TPD52: variants seen among roughly 807,000 people sequenced by gnomAD.
TPD52 encodes tumor protein D52.
TPD52 carries 17 observed loss-of-function variants against 31.3 expected under a neutral mutation model. The observed-to-expected ratio is 0.54, with a 90% CI of 0.37 to 0.82. TPD52 has a LOEUF of 0.82. Ranked by LOEUF, TPD52 falls within the 40% of genes least tolerant of loss-of-function variation. The pLI, the probability that TPD52 is intolerant of heterozygous loss-of-function variation, is 0.00. For missense variants in TPD52, 212 were observed against 240.1 expected (o/e 0.88, Z 0.77); for synonymous variants, 83 against 89.6 (o/e 0.93, Z 0.42).
At chr8:80,046,699 T>C (rs1452850344) in intron 5 of TPD52, among the ~76,000 whole-genome samples, 3 of 151,620 alleles carry the variant, frequency 2.0e-5, no homozygotes, top group Non-Finnish European at 4.4e-5. Context: ...CATTAATCTG[T>C]AATCAAACTA....
intron 1 of TPD52, among the ~76,000 whole-genome samples, chr8:80,132,090 T>C (rs908111739): frequency 6.6e-6 from 1 of 151,646 alleles, no homozygotes; most frequent in Non-Finnish European, 1.5e-5. Context: ...AGTGCTGTGG[T>C]GTGATCTTGG....
At chr8:80,167,981 T>C (rs758015931) in intron 1 of TPD52, among the ~76,000 whole-genome samples, 5 of 152,236 alleles carry the variant, frequency 3.3e-5, no homozygotes, top group Non-Finnish European at 7.3e-5. Context: ...TTCTACACAA[T>C]GTATGCTCTA....
chr8:80,141,354 C>G (rs993112718), intron 1 of TPD52, among the ~76,000 whole-genome samples: 3 of 152,160 alleles, frequency 2.0e-5, no homozygotes, highest in Admixed American at 1.3e-4. Context: ...GTGTGACCAA[C>G]AGAATAATAC....
At chr8:80,102,368 G>C (rs894825885) in intron 1 of TPD52, among the ~76,000 whole-genome samples, 2 of 152,192 alleles carry the variant, frequency 1.3e-5, no homozygotes, top group African/African-American at 4.8e-5. Flanking sequence ...TGGTTTTCCA[G>C]AGAAAGTGGT....
intron 1 of TPD52, among the ~76,000 whole-genome samples, chr8:80,073,891 A>C (rs1486674067): frequency 6.6e-6 from 1 of 152,220 alleles, no homozygotes; most frequent in Non-Finnish European, 1.5e-5. Context: ...TTCATATTAC[A>C]GGAAAACAGT....
chr8:80,054,757 A>AG lies in TPD52; in HGVS notation c.136-1328dup, dbSNP rs10700780. 3.4e-5 allele frequency among the ~76,000 whole-genome samples: 5 copies of AG among 146,856 alleles called. No homozygotes were observed. The East Asian group carries it at 6.0e-4, about 18-fold the overall frequency. On this transcript the variant is annotated intron_variant, in intron 2 of 7. Coordinates refer to ENST00000518937, the MANE Select transcript of TPD52 (RefSeq NM_001025253.3). ...TGCAGCTGCCAAGAAAAAAAAAAAA[A>AG]GAAGAAAAAGAACCTACAACACCAC... is the stretch of plus-strand genomic sequence containing the variant.
chr8:80,109,608 T>C (rs1807369845), intron 1 of TPD52, among the ~76,000 whole-genome samples: 1 of 152,150 alleles, frequency 6.6e-6, no homozygotes, highest in Non-Finnish European at 1.5e-5. Context: ...GGTTTCACCA[T>C]GTTGGCCAGG....
Position 80,171,466 on chromosome 8 carries a change from T to C in TPD52, c.-23A>G, listed in dbSNP as rs1812097457. ...CATGTCTCCAGCCCGCCGCCTCGTG[T>C]CCTCTGCAGCACCCCCGCCTGCAGC... is the stretch of plus-strand genomic sequence containing the variant. On this transcript the variant is annotated 5_prime_UTR_variant, in exon 1 of 8. Coordinates refer to ENST00000518937, the MANE Select transcript of TPD52 (RefSeq NM_001025253.3). 1.3e-6 allele frequency: 2 copies of C among 1,577,804 alleles called. No individual in the cohort carries two copies. Among genetic ancestry groups the C allele is most frequent in the Non-Finnish European group, 8.5e-7 (1 of 1,172,656 alleles).
At chr8:80,119,937 C>A (rs991252926) in intron 1 of TPD52, 14 of 332,246 alleles carry the variant, frequency 4.2e-5, no homozygotes, top group South Asian at 3.4e-4. Context: ...AGAAAAACTA[C>A]AGGACATTAA....
At chr8:80,082,059 C>T (rs111487401) in intron 1 of TPD52, among the ~76,000 whole-genome samples, 8,234 of 152,004 alleles carry the variant, frequency 0.054, 372 homozygotes, top group African/African-American at 0.12. Flanking sequence ...CCGCCTGCCT[C>T]GGCCTCCCAA....
chr8:80,101,956 G>A (rs1806774877), intron 1 of TPD52, among the ~76,000 whole-genome samples: 1 of 152,284 alleles, frequency 6.6e-6, no homozygotes, highest in African/African-American at 2.4e-5. Flanking sequence ...AGAAACAGAG[G>A]AGGAAGGCAG....
intron 1 of TPD52, among the ~76,000 whole-genome samples, chr8:80,106,856 CCTT>C (rs1364026224): frequency 8.5e-6 from 1 of 117,880 alleles, no homozygotes; most frequent in African/African-American, 3.0e-5. Flanking sequence ...ACATAAATAA[CCTT>C]TTTTTTTTTT....
chr8:80,126,479 ATTTTTTT>A (rs752947491), intron 1 of TPD52, among the ~76,000 whole-genome samples: 3 of 126,456 alleles, frequency 2.4e-5, no homozygotes, highest in South Asian at 5.0e-4. Context: ...AAAGTTTATA[ATTTTTTT>A]TTTTTTTTTT....
intron 1 of TPD52, among the ~76,000 whole-genome samples, chr8:80,167,820 T>A (rs1240961569): frequency 6.6e-6 from 1 of 152,220 alleles, no homozygotes; most frequent in Non-Finnish European, 1.5e-5. Flanking sequence ...TAAAGTTGTT[T>A]TGCTTTGTTT....
intron 1 of TPD52, among the ~76,000 whole-genome samples, chr8:80,142,153 A>C (rs1401964477): frequency 6.6e-6 from 1 of 152,164 alleles, no homozygotes; most frequent in East Asian, 1.9e-4. Flanking sequence ...TCAGTCTCTA[A>C]CAGTGACGTT....
intron 1 of TPD52, among the ~76,000 whole-genome samples, chr8:80,159,837 T>C (rs1443664627): frequency 6.6e-6 from 1 of 152,202 alleles, no homozygotes; most frequent in Non-Finnish European, 1.5e-5. Context: ...GTTTCAATTA[T>C]TTGGAAAGAA....
intron 1 of TPD52, among the ~76,000 whole-genome samples, chr8:80,148,555 G>A (rs1385266908): frequency 6.6e-6 from 1 of 152,152 alleles, no homozygotes; most frequent in African/African-American, 2.4e-5. Flanking sequence ...CAGTTTTAAA[G>A]CCAATATCTA....
intron 6 of TPD52, 129 bp downstream of exon 6, chr8:80,044,034 TGATA>T: frequency 1.4e-6 from 1 of 697,470 alleles, no homozygotes; most frequent in Non-Finnish European, 2.4e-6. Flanking sequence ...AGCTGAAAAC[TGATA>T]GAGTGTTAAA....
intron 1 of TPD52, among the ~76,000 whole-genome samples, chr8:80,068,802 C>A (rs1813439031): frequency 6.6e-6 from 1 of 152,182 alleles, no homozygotes; most frequent in Non-Finnish European, 1.5e-5. Context: ...AGCAGAGACA[C>A]ATCCCATCAA....
Sources: gnomAD v4.1 joint callset for allele counts (sites outside exome capture counted in the v4.1 genomes callset) on GRCh38, gnomAD v4.1.1 for gene constraint, MANE v1.5 for transcripts, NCBI Gene and HGNC (gene_info 2026-07-23, HGNC 2026-07-21) for gene names.